Variants in NBAS observed in about 807,000 individuals in gnomAD.
NBAS encodes NBAS subunit of NRZ tethering complex, also known as NAG/BC035112 fusion.
In NBAS, 219 loss-of-function variants were observed where a neutral mutation model predicts 302.5. The observed-to-expected ratio is 0.72, with a 90% CI of 0.65 to 0.81. The LOEUF is 0.81. Ranked by LOEUF, NBAS falls within the 30% of genes least tolerant of loss-of-function variation. The pLI, the probability that NBAS is intolerant of heterozygous loss-of-function variation, is 0.00. For synonymous variants in NBAS, 1,118 were observed against 1,021.6 expected, an observed-to-expected ratio of 1.09 and a Z score of -1.80; for missense variants, 2,932 against 2,841.6, an observed-to-expected ratio of 1.03 and a Z score of -0.72.
At chr2:15,444,191 A>G (rs74717775) in intron 21 of NBAS, among the ~76,000 whole-genome samples, 94,082 of 150,752 alleles carry the variant, frequency 0.62, 30,259 homozygotes, top group Middle Eastern at 0.68. Context: ...AGCCTGCAAC[A>G]CCAAGTCAAT....
the NBAS span, among the ~76,000 whole-genome samples, chr2:14,932,612 G>A: frequency 6.6e-6 from 1 of 152,112 alleles, no homozygotes; most frequent in Non-Finnish European, 1.5e-5. Flanking sequence ...TAGTATTAAA[G>A]GCATCAATAT....
intron 14 of NBAS, 57 bp downstream of exon 14, chr2:15,475,630 A>G: frequency 6.7e-7 from 1 of 1,501,544 alleles, no homozygotes; most frequent in Non-Finnish European, 9.2e-7. Flanking sequence ...AAAACCAGAT[A>G]TTTAAATTTT....
chr2:15,317,573 A>C (rs1275848545), intron 38 of NBAS, among the ~76,000 whole-genome samples: 1 of 152,226 alleles, frequency 6.6e-6, no homozygotes, highest in Admixed American at 6.5e-5. Flanking sequence ...GATGGAGCTG[A>C]AAACCATGGC....
chr2:15,221,178 G>GT (rs1245254992), intron 47 of NBAS, among the ~76,000 whole-genome samples: 1 of 152,052 alleles, frequency 6.6e-6, no homozygotes, highest in Non-Finnish European at 1.5e-5. Flanking sequence ...CAGTGTAATG[G>GT]GTCTAACGGG....
the NBAS span, among the ~76,000 whole-genome samples, chr2:14,979,730 T>C: frequency 6.6e-6 from 1 of 152,140 alleles, no homozygotes; most frequent in Admixed American, 6.5e-5. Context: ...CAACTCCTCA[T>C]TATCTTTAGA....
the NBAS span, among the ~76,000 whole-genome samples, chr2:14,816,547 TTACTC>T: frequency 1.3e-5 from 2 of 152,192 alleles, no homozygotes. Flanking sequence ...ACCTTGTACT[TTACTC>T]TTATCAATCC....
the NBAS span, among the ~76,000 whole-genome samples, chr2:14,841,033 G>T: frequency 6.6e-6 from 1 of 151,866 alleles, no homozygotes; most frequent in African/African-American, 2.4e-5. Context: ...AAGTAAAAAT[G>T]TAGGGGGATG....
the NBAS span, among the ~76,000 whole-genome samples, chr2:14,820,920 T>C: frequency 6.6e-6 from 1 of 151,912 alleles, no homozygotes; most frequent in African/African-American, 2.4e-5. Flanking sequence ...CACTCTTTTT[T>C]TTTTCTTTTC....
intron 6 of NBAS, among the ~76,000 whole-genome samples, chr2:15,545,517 G>T (rs1664070429): frequency 6.6e-6 from 1 of 152,050 alleles, no homozygotes. Flanking sequence ...GGGTAATAGG[G>T]AATATTATAA....
intron 21 of NBAS, among the ~76,000 whole-genome samples, chr2:15,453,744 A>C (rs1265955257): frequency 6.6e-6 from 1 of 152,154 alleles, no homozygotes; most frequent in Non-Finnish European, 1.5e-5. Flanking sequence ...ACAAGCAAGC[A>C]AATTGCCAGG....
At chr2:15,019,561 C>T in the NBAS span, among the ~76,000 whole-genome samples, 36 of 151,986 alleles carry the variant, frequency 2.4e-4, no homozygotes, top group African/African-American at 8.2e-4. Flanking sequence ...TCTGAGGGAC[C>T]CTGTGTCAGG....
At chr2:14,839,824 G>A in the NBAS span, among the ~76,000 whole-genome samples, 1 of 151,756 alleles carries the variant, frequency 6.6e-6, no homozygotes, top group South Asian at 2.1e-4. Context: ...ACAAAAGCCA[G>A]ACAAAGAAGA....
At chr2:14,996,237 T>C in the NBAS span, among the ~76,000 whole-genome samples, 205 of 152,326 alleles carry the variant, frequency 1.3e-3, no homozygotes, top group African/African-American at 4.6e-3. Context: ...CTAATACTTA[T>C]GTTCGTCTTA....
At chr2:15,536,630 C>G in intron 7 of NBAS, 79 bp from the exon 8 acceptor site, 1 of 1,205,392 alleles carries the variant, frequency 8.3e-7, no homozygotes, top group Non-Finnish European at 1.2e-6. Flanking sequence ...TAGAGAATAT[C>G]TGATACACTG....
the NBAS span, among the ~76,000 whole-genome samples, chr2:14,861,450 G>A: frequency 4.6e-5 from 7 of 152,158 alleles, no homozygotes; most frequent in African/African-American, 1.7e-4. Flanking sequence ...ACACCTGGAG[G>A]AGCACTCAGT....
the NBAS span, among the ~76,000 whole-genome samples, chr2:15,053,144 G>T: frequency 6.6e-6 from 1 of 152,152 alleles, no homozygotes; most frequent in Non-Finnish European, 1.5e-5. Context: ...GTCATTTGCA[G>T]CTCTTTATAA....
chr2:15,237,570 ATT>A lies in NBAS; in HGVS notation c.5943+896_5943+897del, dbSNP rs1229371514. On this transcript the variant is annotated intron_variant, in intron 45 of 51. Coordinates refer to ENST00000281513, the MANE Select transcript of NBAS (RefSeq NM_015909.4). ...GAAAAGAAAATCAAAATATTTATTT[ATT>A]TATTTATTTATTTATTTATTTATTT... Among the ~76,000 whole-genome samples the A allele has an allele frequency of 6.1e-5, 7 of 114,774 alleles. No individual in the cohort carries two copies. In the East Asian group the frequency reaches 1.3e-3, roughly 22 times the overall value. 75.3% of individuals were successfully genotyped at this position (114,774 alleles called of 152,430 possible). A position where few individuals can be genotyped will look rare whatever the true frequency, so the allele number is the denominator to read the frequency against.
At chr2:14,899,415 T>C in the NBAS span, among the ~76,000 whole-genome samples, 1 of 152,234 alleles carries the variant, frequency 6.6e-6, no homozygotes, top group Non-Finnish European at 1.5e-5. Flanking sequence ...GTCCAGATCA[T>C]TTTTTAGTTT....
the NBAS span, among the ~76,000 whole-genome samples, chr2:14,971,077 T>C: frequency 6.6e-6 from 1 of 152,242 alleles, no homozygotes; most frequent in South Asian, 2.1e-4. Flanking sequence ...ATTTTATTCA[T>C]TTTTCTCATA....
Sources: gnomAD v4.1 joint callset for allele counts (sites outside exome capture counted in the v4.1 genomes callset) on GRCh38, gnomAD v4.1.1 for gene constraint, MANE v1.5 for transcripts, NCBI Gene and HGNC (gene_info 2026-07-23, HGNC 2026-07-21) for gene names.